TPO: variants seen among roughly 807,000 people sequenced by gnomAD.
TPO encodes thyroid microsomal antigen.
TPO carries 78 observed loss-of-function variants against 96.9 expected under a neutral mutation model. That is an observed-to-expected ratio of 0.81 (90% CI 0.67 to 0.97). The LOEUF (loss-of-function observed/expected upper bound fraction) is 0.97. Among genes scored for constraint, TPO ranks in the 50% least tolerant of loss-of-function variants. The pLI is 0.00. For missense variants in TPO, 1,252 were observed against 1,274.8 expected (o/e 0.98, Z 0.27); for synonymous variants, 547 against 538.0 (o/e 1.02, Z -0.23).
intron 1 of TPO, among the ~76,000 whole-genome samples, chr2:1,406,354 T>C (rs1284304973): frequency 6.6e-6 from 1 of 152,238 alleles, no homozygotes; most frequent in Non-Finnish European, 1.5e-5. Context: ...TAAAATTTAT[T>C]TTTCCAGGGC....
chr2:1,516,802 A>G (rs921559545), intron 14 of TPO, 81 bp from the exon 15 acceptor site: 3 of 1,293,296 alleles, frequency 2.3e-6, no homozygotes, highest in Non-Finnish European at 3.4e-6. Flanking sequence ...AGGACAGGGT[A>G]TGGCCCAGAC....
At chr2:1,438,568 A>AC (rs1553303515) in intron 5 of TPO, among the ~76,000 whole-genome samples, 9 of 134,670 alleles carry the variant, frequency 6.7e-5, no homozygotes, top group South Asian at 2.7e-4. Flanking sequence ...CCCAGGGGCC[A>AC]CCCCCCACCC....
At chr2:1,511,872 A>G (rs1430025714) in intron 14 of TPO, among the ~76,000 whole-genome samples, 2 of 152,222 alleles carry the variant, frequency 1.3e-5, no homozygotes, top group African/African-American at 2.4e-5. Flanking sequence ...ACGACAGCCA[A>G]TTGGTCCATA....
Position 1,542,912 on chromosome 2 carries a change from T to C in TPO, c.*438T>C. ...CCTACATCTGGCTTCCCTCTTCTCC[T>C]GGGAAGAGCACTCCTGGCTTCCTGC... is the stretch of plus-strand genomic sequence containing the variant. On this transcript the variant is annotated 3_prime_UTR_variant, in exon 17 of 17. Transcript: ENST00000329066. 3.5e-6 allele frequency: 1 copy of C among 288,978 alleles called. No homozygotes were observed. Among genetic ancestry groups the C allele is most frequent in the South Asian group, 3.7e-5 (1 of 27,348 alleles). 17.9% of individuals were successfully genotyped at this position (288,978 alleles called of 1,614,324 possible).
chr2:1,522,148 G>GGC, intron 15 of TPO, among the ~76,000 whole-genome samples: 1 of 121,682 alleles, frequency 8.2e-6, no homozygotes, highest in African/African-American at 3.2e-5. Flanking sequence ...TGCCCTTACA[G>GGC]TCTCTACCCC....
At chr2:1,453,862 G>A in intron 6 of TPO, 39 bp downstream of exon 6, 1 of 1,613,258 alleles carries the variant, frequency 6.2e-7, no homozygotes, top group Non-Finnish European at 8.5e-7. Flanking sequence ...ACTAAGATTG[G>A]GTCCTGTGAT....
At chr2:1,513,209 C>G (rs1674342173) in intron 14 of TPO, among the ~76,000 whole-genome samples, 1 of 152,208 alleles carries the variant, frequency 6.6e-6, no homozygotes, top group Admixed American at 6.5e-5. Flanking sequence ...AGCGTGAAAC[C>G]CAAGCCTGCC....
At chr2:1,404,790 G>C (rs982231087) in intron 1 of TPO, among the ~76,000 whole-genome samples, 1 of 152,156 alleles carries the variant, frequency 6.6e-6, no homozygotes, top group Non-Finnish European at 1.5e-5. Flanking sequence ...TTTCTAGAAG[G>C]CTGCAGCATT....
intron 6 of TPO, among the ~76,000 whole-genome samples, chr2:1,454,439 A>G (rs1373254247): frequency 1.3e-5 from 2 of 152,202 alleles, no homozygotes; most frequent in African/African-American, 4.8e-5. Context: ...CCAGCTGTGG[A>G]CAGATACACC....
intron 1 of TPO, among the ~76,000 whole-genome samples, chr2:1,401,234 T>C (rs1002896289): frequency 6.6e-6 from 1 of 152,136 alleles, no homozygotes; most frequent in Non-Finnish European, 1.5e-5. Context: ...CAAAACACAT[T>C]GAAGTGAGTT....
At position 1,516,983 on chromosome 2, in the gene TPO, G is replaced by GT; in HGVS notation, c.2618+2dup. 1 of 1,613,780 alleles carries GT rather than the reference G, an allele frequency of 6.2e-7. No homozygotes were observed. The highest frequency in any genetic ancestry group is 8.5e-7 in the Non-Finnish European group (1 of 1,179,982). On this transcript the variant is annotated splice_donor_variant, in intron 15 of 16. Coordinates refer to ENST00000329066, the MANE Select transcript of TPO (RefSeq NM_001206744.2). LOFTEE classifies it high-confidence loss of function. Reference sequence around the variant, plus strand: ...TCACCTCGACGGTGATTTGCAGGTGGTAAGTCCTTCACTTTTTGACTGTTA... The same window carrying GT: ...TCACCTCGACGGTGATTTGCAGGTGGTTAAGTCCTTCACTTTTTGACTGTTA...
chr2:1,412,615 G>T (rs1406542173), upstream of TPO, among the ~76,000 whole-genome samples: 2 of 152,026 alleles, frequency 1.3e-5, no homozygotes, highest in Non-Finnish European at 2.9e-5. Flanking sequence ...TCGTGTTTTA[G>T]CATTTGGTTT....
chr2:1,459,890 C>T (rs6588673), intron 7 of TPO, among the ~76,000 whole-genome samples: 86,977 of 151,294 alleles, frequency 0.57, 25,251 homozygotes, highest in East Asian at 0.77. Flanking sequence ...CTCACCAGGG[C>T]GGCCCCCTGC....
At chr2:1,405,504 CATCT>C (rs1662237702) in intron 1 of TPO, among the ~76,000 whole-genome samples, 1 of 152,044 alleles carries the variant, frequency 6.6e-6, no homozygotes, top group South Asian at 2.1e-4. Flanking sequence ...CCCATTCATC[CATCT>C]ATCCACCCAC....
intron 5 of TPO, among the ~76,000 whole-genome samples, chr2:1,445,472 G>T (rs1204547288): frequency 8.2e-6 from 1 of 121,220 alleles, no homozygotes; most frequent in Non-Finnish European, 1.7e-5. Flanking sequence ...AGTCATTGCT[G>T]CAGGAGGCAC....
chr2:1,528,503 C>T (rs1348607092), intron 15 of TPO, among the ~76,000 whole-genome samples: 4 of 138,018 alleles, frequency 2.9e-5, no homozygotes, highest in African/African-American at 1.2e-4. Flanking sequence ...CCCTTCTGTG[C>T]AATTTCCCCA....
At chr2:1,492,692 TG>T (rs1558356935) in intron 10 of TPO, among the ~76,000 whole-genome samples, 1 of 152,144 alleles carries the variant, frequency 6.6e-6, no homozygotes, top group South Asian at 2.1e-4. Context: ...TCACTGTCCC[TG>T]GGGGGAACCA....
chr2:1,504,291 G>A (rs978512610), intron 14 of TPO, among the ~76,000 whole-genome samples: 5 of 152,174 alleles, frequency 3.3e-5, no homozygotes, highest in Admixed American at 6.5e-5. Flanking sequence ...AGAGACCCTC[G>A]AAGCACACTG....
rs552005908 is a variant in TPO at position 1,471,442 on chromosome 2, C to A, written c.820-5644C>A. 2.6e-4 allele frequency among the ~76,000 whole-genome samples: 39 copies of A among 149,386 alleles called. No individual in the cohort carries two copies. In the South Asian group the frequency reaches 7.8e-3, roughly 30 times the overall value. On this transcript the variant is annotated intron_variant, in intron 7 of 16. Coordinates refer to ENST00000329066, the MANE Select transcript of TPO (RefSeq NM_001206744.2). ...TTAAGACTATGTATTTTCCTGTGAC[C>A]CCCCCCCACAAATTTTGATACATGG...
Sources: gnomAD v4.1 joint callset for allele counts (sites outside exome capture counted in the v4.1 genomes callset) on GRCh38, gnomAD v4.1.1 for gene constraint, MANE v1.5 for transcripts, NCBI Gene and HGNC (gene_info 2026-07-23, HGNC 2026-07-21) for gene names.